Variants in POU6F2 observed in about 807,000 individuals in gnomAD.
POU6F2 encodes POU class 6 homeobox 2.
POU6F2 carries 31 observed loss-of-function variants against 71.3 expected under a neutral mutation model. The ratio of observed to expected loss-of-function variants is 0.43; its 90% CI spans 0.33 to 0.59. The LOEUF (loss-of-function observed/expected upper bound fraction) is 0.59, where lower values mean the gene tolerates loss of function less well. Among genes scored for constraint, POU6F2 ranks in the 20% least tolerant of loss-of-function variants. The probability of loss-of-function intolerance (pLI) is 0.04; values close to 1 mark genes in which losing one functional copy is unlikely to be tolerated. For missense variants in POU6F2, 783 were observed against 856.8 expected (o/e 0.91, Z 1.07); for synonymous variants, 347 against 355.7 (o/e 0.98, Z 0.27).
intron 4 of POU6F2, among the ~76,000 whole-genome samples, chr7:39,228,995 C>T (rs1050371723): frequency 6.6e-6 from 1 of 152,140 alleles, no homozygotes; most frequent in African/African-American, 2.4e-5. Flanking sequence ...TTCCTCACCA[C>T]AAGTACATCC....
intron 4 of POU6F2, among the ~76,000 whole-genome samples, chr7:39,308,909 C>A (rs1251174401): frequency 6.6e-6 from 1 of 152,200 alleles, no homozygotes; most frequent in Non-Finnish European, 1.5e-5. Context: ...CACGTCAGCC[C>A]AGGGTTCTGA....
At chr7:39,454,116 C>T (rs1788727345) in intron 8 of POU6F2, among the ~76,000 whole-genome samples, 1 of 152,132 alleles carries the variant, frequency 6.6e-6, no homozygotes, top group Non-Finnish European at 1.5e-5. Context: ...AATACATCTA[C>T]TTGTTTACTA....
intron 4 of POU6F2, among the ~76,000 whole-genome samples, chr7:39,329,306 A>G (rs1289596091): frequency 6.6e-6 from 1 of 150,424 alleles, no homozygotes; most frequent in Non-Finnish European, 1.5e-5. Flanking sequence ...TGAGACAGAA[A>G]GCAAGCCAAG....
intron 4 of POU6F2, among the ~76,000 whole-genome samples, chr7:39,239,305 A>C (rs916128137): frequency 6.7e-6 from 1 of 150,150 alleles, no homozygotes; most frequent in African/African-American, 2.5e-5. Flanking sequence ...AGTAGGTTTA[A>C]ATTTCCTTAT....
chr7:39,270,532 C>G (rs1784322552), intron 4 of POU6F2, among the ~76,000 whole-genome samples: 1 of 152,126 alleles, frequency 6.6e-6, no homozygotes, highest in Admixed American at 6.5e-5. Flanking sequence ...TTTTTAGTCT[C>G]TTCGCTTCTC....
rs565972869 is a variant in POU6F2 at position 39,275,727 on chromosome 7, G to C, written c.599-63915G>C. Reference sequence around the variant, plus strand: ...ACATATAGATCAATGGAACAGAACAGAGCCCTCAGAAATAACGCCGCATAT... The same window carrying C: ...ACATATAGATCAATGGAACAGAACACAGCCCTCAGAAATAACGCCGCATAT... On this transcript the variant is annotated intron_variant, in intron 4 of 9. Transcript: ENST00000518318. 1.2e-3 allele frequency among the ~76,000 whole-genome samples: 183 copies of C among 152,146 alleles called. 1 individual carries two copies. The South Asian group carries it at 0.035, about 29-fold the overall frequency.
chr7:39,423,300 G>A (rs1344961411), intron 6 of POU6F2, among the ~76,000 whole-genome samples: 4 of 152,168 alleles, frequency 2.6e-5, no homozygotes, highest in Non-Finnish European at 5.9e-5. Context: ...CCACTGGTGG[G>A]CTGCTGGTGC....
At chr7:39,303,195 C>T (rs1395967886) in intron 4 of POU6F2, among the ~76,000 whole-genome samples, 1 of 152,042 alleles carries the variant, frequency 6.6e-6, no homozygotes, top group East Asian at 1.9e-4. Flanking sequence ...CTCGCTCTGT[C>T]ACCCAGGCTG....
intron 1 of POU6F2, among the ~76,000 whole-genome samples, chr7:39,032,524 C>G (rs1207002437): frequency 2.0e-5 from 3 of 152,160 alleles, no homozygotes; most frequent in Admixed American, 6.5e-5. Flanking sequence ...TCTTGTTTCC[C>G]TTTTTTGCCC....
intron 1 of POU6F2, among the ~76,000 whole-genome samples, chr7:39,041,701 G>T (rs544364378): frequency 6.6e-6 from 1 of 151,606 alleles, no homozygotes; most frequent in South Asian, 2.1e-4. Context: ...CCATCTTATT[G>T]ATGGTTTCTT....
chr7:39,043,334 CA>C (rs1790227812), intron 1 of POU6F2, among the ~76,000 whole-genome samples: 1 of 151,926 alleles, frequency 6.6e-6, no homozygotes, highest in Non-Finnish European at 1.5e-5. Context: ...TATAAAGTAG[CA>C]AAGACTATTT....
chr7:39,212,962 AG>A (rs1033778363), intron 4 of POU6F2, among the ~76,000 whole-genome samples: 2 of 152,214 alleles, frequency 1.3e-5, no homozygotes, highest in African/African-American at 2.4e-5. Flanking sequence ...AGGCAGCAAA[AG>A]GGTTAATGGA....
intron 2 of POU6F2, among the ~76,000 whole-genome samples, chr7:39,128,598 G>A (rs1243648550): frequency 6.6e-6 from 1 of 152,216 alleles, no homozygotes; most frequent in Non-Finnish European, 1.5e-5. Flanking sequence ...CTAGTCTACT[G>A]TCAGTCTTTA....
chr7:39,190,417 T>TAAAAAAAAAAAAA lies in POU6F2; in HGVS notation c.278-13801_278-13789dup, dbSNP rs57872350. 4.8e-4 allele frequency among the ~76,000 whole-genome samples: 29 copies of TAAAAAAAAAAAAA among 59,904 alleles called. 4 individuals are homozygous for TAAAAAAAAAAAAA. Among genetic ancestry groups the TAAAAAAAAAAAAA allele is most frequent in the African/African-American group, 1.9e-3 (26 of 13,584 alleles). The allele number at this position is 59,904 out of a possible 152,430, so 39.3% of individuals were successfully genotyped here. A position where few individuals can be genotyped will look rare whatever the true frequency, so the allele number is the denominator to read the frequency against. On this transcript the variant is annotated intron_variant, in intron 2 of 9. Coordinates refer to ENST00000518318, the MANE Select transcript of POU6F2 (RefSeq NM_001370959.1). Reference sequence around the variant, plus strand: ...TTCCTTTTCCTCCTCCTCCTTTTCTTAAAAAAAAAAAAAAAAAAAAAAAAA... The same window carrying TAAAAAAAAAAAAA: ...TTCCTTTTCCTCCTCCTCCTTTTCTTAAAAAAAAAAAAAAAAAAAAAAAAAAAAAAAAAAAAAA...
At chr7:39,069,383 G>T (rs562049279) in intron 1 of POU6F2, among the ~76,000 whole-genome samples, 1 of 152,220 alleles carries the variant, frequency 6.6e-6, no homozygotes, top group Non-Finnish European at 1.5e-5. Context: ...CAGGCTGTGA[G>T]GAAGGGCTTT....
At chr7:39,111,547 TAATG>T (rs1791814299) in intron 2 of POU6F2, among the ~76,000 whole-genome samples, 1 of 152,198 alleles carries the variant, frequency 6.6e-6, no homozygotes, top group Non-Finnish European at 1.5e-5. Context: ...AATATTAAAA[TAATG>T]AATTTTCATA....
At position 38,986,152 on chromosome 7, in the gene POU6F2, T is replaced by C. The variant is rs75445877; in HGVS notation, c.105+8094T>C. 0.011 allele frequency among the ~76,000 whole-genome samples: 1,620 copies of C among 152,214 alleles called. 142 individuals carry two copies. The East Asian group carries it at 0.23, about 21-fold the overall frequency. On this transcript the variant is annotated intron_variant, in intron 1 of 9. Coordinates refer to ENST00000518318, the MANE Select transcript of POU6F2 (RefSeq NM_001370959.1). ...TGTCTCTGTTTTCAATCTTAGTACC[T>C]GAAAAAATTATGACAGATGTTTACT... is the stretch of plus-strand genomic sequence containing the variant.
intron 4 of POU6F2, among the ~76,000 whole-genome samples, chr7:39,263,099 C>A (rs1370331372): frequency 1.3e-5 from 2 of 152,214 alleles, no homozygotes; most frequent in Non-Finnish European, 1.5e-5. Flanking sequence ...CTTTTGTGTG[C>A]TTTTTATTAT....
At chr7:39,391,639 C>T (rs748229186) in intron 5 of POU6F2, among the ~76,000 whole-genome samples, 1 of 152,198 alleles carries the variant, frequency 6.6e-6, no homozygotes, top group Non-Finnish European at 1.5e-5. Context: ...GCAGCTGTGT[C>T]TCTGTCAACA....
Sources: gnomAD v4.1 joint callset for allele counts (sites outside exome capture counted in the v4.1 genomes callset) on GRCh38, gnomAD v4.1.1 for gene constraint, MANE v1.5 for transcripts, NCBI Gene and HGNC (gene_info 2026-07-23, HGNC 2026-07-21) for gene names.